The following PGCKA1 variants were observed in gnomAD, a reference collection of about 807,000 sequenced individuals.
PGCKA1 encodes the protein PDCD10 and GCKIII kinases associated 1, also known as PDCD10 and GCKIII kinases-associated protein 1.
At chr4:37,562,427 T>C in the PGCKA1 span, among the ~76,000 whole-genome samples, 1 of 152,238 alleles carries the variant, frequency 6.6e-6, no homozygotes, top group South Asian at 2.1e-4. Flanking sequence ...GAAGTGATAA[T>C]GATCCAGATT....
At chr4:37,572,055 TTTTTTTTC>T in the PGCKA1 span, among the ~76,000 whole-genome samples, 1,228 of 106,028 alleles carry the variant, frequency 0.012, 43 homozygotes, top group South Asian at 0.12. Flanking sequence ...CACCTTTTTT[TTTTTTTTC>T]TTTTTTTTTT....
chr4:37,550,482 A>G, the PGCKA1 span, among the ~76,000 whole-genome samples: 1 of 152,226 alleles, frequency 6.6e-6, no homozygotes, highest in Non-Finnish European at 1.5e-5. Context: ...GTTTGGCTCC[A>G]GAAAGGAAAA....
chr4:37,541,901 G>A, the PGCKA1 span, among the ~76,000 whole-genome samples: 4,630 of 152,168 alleles, frequency 0.03, 240 homozygotes, highest in African/African-American at 0.1. Context: ...GTCCAGTGGC[G>A]GCAGGCTGGA....
chr4:37,474,132 C>A, the PGCKA1 span, among the ~76,000 whole-genome samples: 4 of 152,048 alleles, frequency 2.6e-5, no homozygotes, highest in African/African-American at 9.7e-5. Context: ...AGGTGGGATC[C>A]TAAAGAGGTG....
the PGCKA1 span, among the ~76,000 whole-genome samples, chr4:37,528,104 A>G: frequency 1.3e-5 from 2 of 152,184 alleles, no homozygotes; most frequent in African/African-American, 4.8e-5. Context: ...GAGTTTGTCC[A>G]TTTCCACTGA....
chr4:37,454,593 T>A, the PGCKA1 span, among the ~76,000 whole-genome samples: 1 of 152,216 alleles, frequency 6.6e-6, no homozygotes, highest in African/African-American at 2.4e-5. Context: ...GAGGTCAGGG[T>A]GCCAGGAGGC....
chr4:37,572,048 C>CTTTTTTTTTTTTCTTTT, the PGCKA1 span, among the ~76,000 whole-genome samples: 1 of 111,630 alleles, frequency 9.0e-6, no homozygotes, highest in East Asian at 2.7e-4. Context: ...AACTTCACAC[C>CTTTTTTTTTTTTCTTTT]TTTTTTTTTT....
chr4:37,571,742 T>G, the PGCKA1 span, among the ~76,000 whole-genome samples: 1 of 151,952 alleles, frequency 6.6e-6, no homozygotes, highest in Non-Finnish European at 1.5e-5. Flanking sequence ...TTTCACCGTG[T>G]TAGCCAGGAT....
the PGCKA1 span, among the ~76,000 whole-genome samples, chr4:37,593,355 C>T: frequency 2.1e-3 from 326 of 152,246 alleles, 1 homozygote; most frequent in African/African-American, 7.3e-3. Context: ...ATATCAATGA[C>T]CCACGTATCA....
the PGCKA1 span, among the ~76,000 whole-genome samples, chr4:37,513,105 AGAAAGAAAG>A: frequency 1.0e-3 from 45 of 44,294 alleles, no homozygotes; most frequent in African/African-American, 3.3e-3. Flanking sequence ...AAAAAAAGAA[AGAAAGAAAG>A]AAAGAAAGAA....
At chr4:37,510,958 C>G in the PGCKA1 span, among the ~76,000 whole-genome samples, 13 of 151,894 alleles carry the variant, frequency 8.6e-5, no homozygotes, top group East Asian at 2.2e-3. Context: ...CTTTCACAAG[C>G]AGAAGAGCCT....
chr4:37,563,917 AT>A, the PGCKA1 span, among the ~76,000 whole-genome samples: 1 of 152,154 alleles, frequency 6.6e-6, no homozygotes, highest in African/African-American at 2.4e-5. Context: ...TCCAGGGAAG[AT>A]TTGGTCAAAA....
chr4:37,509,768 C>G, the PGCKA1 span, among the ~76,000 whole-genome samples: 33 of 151,678 alleles, frequency 2.2e-4, no homozygotes, highest in African/African-American at 7.7e-4. Context: ...GAAGACCAGC[C>G]CGGCCAACAC....
the PGCKA1 span, among the ~76,000 whole-genome samples, chr4:37,477,890 TA>T: frequency 6.6e-6 from 1 of 152,158 alleles, no homozygotes; most frequent in Non-Finnish European, 1.5e-5. Context: ...ATTAAAGACA[TA>T]AATTATCCTG....
the PGCKA1 span, among the ~76,000 whole-genome samples, chr4:37,582,536 T>C: frequency 1.3e-5 from 2 of 152,228 alleles, no homozygotes; most frequent in South Asian, 2.1e-4. Flanking sequence ...TAAATCTCCT[T>C]GAATTTGGAA....
the PGCKA1 span, chr4:37,453,823 G>C: frequency 6.6e-6 from 1 of 152,194 alleles, no homozygotes; most frequent in Admixed American, 6.5e-5. Flanking sequence ...CATCCTCGGG[G>C]CGTGCAGGTA....
chr4:37,498,666 C>T, the PGCKA1 span, among the ~76,000 whole-genome samples: 4 of 151,508 alleles, frequency 2.6e-5, no homozygotes, highest in South Asian at 2.1e-4. Flanking sequence ...TTGCAGCTAT[C>T]GTTTGTTGAT....
the PGCKA1 span, among the ~76,000 whole-genome samples, chr4:37,498,840 G>C: frequency 4.5e-4 from 69 of 152,196 alleles, no homozygotes; most frequent in Admixed American, 7.9e-4. Flanking sequence ...GATTGCTCTG[G>C]CCAGGATTTC....
chr4:37,457,638 T>A, the PGCKA1 span, among the ~76,000 whole-genome samples: 1 of 152,194 alleles, frequency 6.6e-6, no homozygotes, highest in African/African-American at 2.4e-5. Flanking sequence ...AATACAAAGA[T>A]TTGATTCTGT....
Sources: allele counts gnomAD v4.1 joint callset (sites outside exome capture counted in the v4.1 genomes callset), GRCh38; gene constraint gnomAD v4.1.1; transcripts MANE v1.5; gene names NCBI Gene and HGNC (gene_info 2026-07-23, HGNC 2026-07-21).